Variants in GAS7 observed in about 807,000 individuals in gnomAD.
GAS7 encodes the protein growth arrest-specific protein 7.
A neutral mutation model predicts 71.1 loss-of-function variants in GAS7; 28 were observed. That is an observed-to-expected ratio of 0.39 (90% CI 0.29 to 0.54). The LOEUF (loss-of-function observed/expected upper bound fraction) is 0.54. Among genes scored for constraint, GAS7 ranks in the 20% least tolerant of loss-of-function variants. GAS7 has a pLI of 0.62. For missense variants in GAS7, 436 were observed against 627.8 expected, an observed-to-expected ratio of 0.69 and a Z score of 3.27; for synonymous variants, 258 against 245.8, an observed-to-expected ratio of 1.05 and a Z score of -0.46.
intron 9 of GAS7, among the ~76,000 whole-genome samples, chr17:9,931,766 T>A (rs1472705758): frequency 1.3e-5 from 2 of 152,196 alleles, no homozygotes; most frequent in African/African-American, 4.8e-5. Flanking sequence ...CACATCTGGG[T>A]GTCAACTCAA....
rs140524769 is a variant in GAS7, at chr17:10,168,284, GA to G, written c.183+29923del. On this transcript the variant is annotated intron_variant, in intron 1 of 13. Coordinates refer to ENST00000432992, the MANE Select transcript of GAS7 (RefSeq NM_201433.2). ...AACTTCAAGATACATTATCAAGTGAGAAAAAAAAGAAGTTAAGAAATAATAG... is the reference window on the plus strand; with the variant it reads ...AACTTCAAGATACATTATCAAGTGAGAAAAAAAGAAGTTAAGAAATAATAG... Among the ~76,000 whole-genome samples the G allele has an allele frequency of 7.5e-4, 114 of 151,938 alleles. 1 individual carries two copies. In the East Asian group the frequency reaches 0.011, roughly 15 times the overall value.
At position 10,002,409 on chromosome 17, in the gene GAS7, C is replaced by CTTT. The variant is rs113274292; in HGVS notation, c.304+17365_304+17367dup. Among the ~76,000 whole-genome samples the CTTT allele has an allele frequency of 8.6e-5, 13 of 151,358 alleles. No homozygotes were observed. In the South Asian group the frequency reaches 1.0e-3, roughly 12 times the overall value. On this transcript the variant is annotated intron_variant, in intron 2 of 13. Coordinates refer to ENST00000432992, the MANE Select transcript of GAS7 (RefSeq NM_201433.2). ...CCACTATACTCCAGGAAGACCACAT[C>CTTT]TTTTTATTTTTTTAATTATACTTTA... is the stretch of plus-strand genomic sequence containing the variant.
At chr17:10,115,636 T>A (rs779113810) in intron 1 of GAS7, among the ~76,000 whole-genome samples, 3 of 141,602 alleles carry the variant, frequency 2.1e-5, no homozygotes, top group Non-Finnish European at 4.7e-5. Context: ...GGCACACAAC[T>A]CTTGCCCATA....
chr17:10,145,495 G>C (rs1392376842), intron 1 of GAS7, among the ~76,000 whole-genome samples: 1 of 152,182 alleles, frequency 6.6e-6, no homozygotes, highest in Non-Finnish European at 1.5e-5. Flanking sequence ...ACCTTACAAG[G>C]CCCTAGAACC....
At chr17:10,146,960 T>TAAAAAAAAAAAAGA (rs1252230604) in intron 1 of GAS7, among the ~76,000 whole-genome samples, 1 of 144,772 alleles carries the variant, frequency 6.9e-6, no homozygotes, top group East Asian at 2.3e-4. Flanking sequence ...CTCCGTCTCA[T>TAAAAAAAAAAAAGA]AAAAAAAACG....
chr17:9,958,479 G>C (rs1263122435), intron 5 of GAS7, among the ~76,000 whole-genome samples: 1 of 152,202 alleles, frequency 6.6e-6, no homozygotes, highest in East Asian at 1.9e-4. Context: ...TGGAGCCTAA[G>C]AGAGCAATAC....
intron 1 of GAS7, among the ~76,000 whole-genome samples, chr17:10,038,055 T>TAAA: frequency 6.9e-6 from 1 of 144,854 alleles, no homozygotes; most frequent in East Asian, 2.0e-4. Context: ...GACAGGTTCT[T>TAAA]AAAAAAAAAA....
chr17:10,096,630 C>T (rs1336305685), intron 1 of GAS7, among the ~76,000 whole-genome samples: 1 of 152,206 alleles, frequency 6.6e-6, no homozygotes, highest in Admixed American at 6.5e-5. Context: ...GGCCATCACC[C>T]AGTCAATTCA....
At chr17:10,065,528 T>C (rs9912213) in intron 1 of GAS7, among the ~76,000 whole-genome samples, 87,045 of 151,952 alleles carry the variant, frequency 0.57, 25,583 homozygotes, top group African/African-American at 0.7. Flanking sequence ...CAAATCCTAC[T>C]TCCCCAATCA....
chr17:9,998,382 G>T (rs1355492720), intron 2 of GAS7, among the ~76,000 whole-genome samples: 2 of 152,248 alleles, frequency 1.3e-5, no homozygotes, highest in African/African-American at 4.8e-5. Context: ...GCCAAGAGTT[G>T]TATAGAACAG....
At chr17:10,161,085 G>T (rs146866442) in intron 1 of GAS7, among the ~76,000 whole-genome samples, 1 of 152,078 alleles carries the variant, frequency 6.6e-6, no homozygotes, top group Admixed American at 6.6e-5. Context: ...TCGCGGCTCC[G>T]TTTTGTTTGT....
intron 11 of GAS7, among the ~76,000 whole-genome samples, chr17:9,920,984 T>C (rs2067784955): frequency 6.6e-6 from 1 of 152,030 alleles, no homozygotes; most frequent in African/African-American, 2.4e-5. Flanking sequence ...CTGCGAACCA[T>C]ACCCCTAGCT....
intron 1 of GAS7, among the ~76,000 whole-genome samples, chr17:10,102,583 G>C (rs1567592304): frequency 6.6e-6 from 1 of 152,034 alleles, no homozygotes; most frequent in Non-Finnish European, 1.5e-5. Flanking sequence ...CACCACCTTG[G>C]CTACCTATTC....
chr17:10,102,435 G>A (rs867858795), intron 1 of GAS7, among the ~76,000 whole-genome samples: 2 of 149,098 alleles, frequency 1.3e-5, no homozygotes, highest in African/African-American at 4.9e-5. Flanking sequence ...TCTCTTAGTC[G>A]GCTAGCTGAC....
intron 2 of GAS7, among the ~76,000 whole-genome samples, chr17:10,011,144 G>T (rs1016058235): frequency 3.3e-5 from 5 of 152,232 alleles, no homozygotes; most frequent in African/African-American, 9.6e-5. Context: ...GTTCACCACA[G>T]CACTCAGTTC....
chr17:10,083,532 G>C (rs974830850), intron 1 of GAS7, among the ~76,000 whole-genome samples: 1 of 152,248 alleles, frequency 6.6e-6, no homozygotes, highest in Non-Finnish European at 1.5e-5. Flanking sequence ...TGCCCAGTTG[G>C]CCTTCCCAGG....
At chr17:10,075,142 G>C (rs767159645) in intron 1 of GAS7, among the ~76,000 whole-genome samples, 2 of 152,010 alleles carry the variant, frequency 1.3e-5, no homozygotes, top group Non-Finnish European at 2.9e-5. Context: ...CAAATCACGA[G>C]GTCAGGAGTT....
intron 1 of GAS7, among the ~76,000 whole-genome samples, chr17:10,134,416 G>T (rs1056869799): frequency 1.3e-5 from 2 of 152,192 alleles, no homozygotes; most frequent in Non-Finnish European, 2.9e-5. Context: ...CTTCCATATA[G>T]ATTTTATTTC....
chr17:10,173,923 A>G (rs890286205), intron 1 of GAS7, among the ~76,000 whole-genome samples: 4 of 152,188 alleles, frequency 2.6e-5, no homozygotes, highest in Non-Finnish European at 1.5e-5. Context: ...GCACAGGGAG[A>G]CGGTGGAGGG....
Sources: allele counts gnomAD v4.1 joint callset (sites outside exome capture counted in the v4.1 genomes callset), GRCh38; gene constraint gnomAD v4.1.1; transcripts MANE v1.5; gene names NCBI Gene and HGNC (gene_info 2026-07-23, HGNC 2026-07-21).